ANKRD44: variants seen among roughly 807,000 people sequenced by gnomAD.
The protein encoded by ANKRD44 is serine/threonine-protein phosphatase 6 regulatory ankyrin repeat subunit B.
A neutral mutation model predicts 116.0 loss-of-function variants in ANKRD44; 35 were observed. The ratio of observed to expected loss-of-function variants is 0.30; its 90% CI spans 0.23 to 0.40. The LOEUF (loss-of-function observed/expected upper bound fraction) is 0.40. Among genes scored for constraint, ANKRD44 ranks in the 10% least tolerant of loss-of-function variants. The probability of loss-of-function intolerance (pLI) is 1.00; values close to 1 mark genes in which losing one functional copy is unlikely to be tolerated. For synonymous variants in ANKRD44, 435 were observed against 461.8 expected (o/e 0.94, Z 0.74); for missense variants, 1,014 against 1,242.6 (o/e 0.82, Z 2.77).
At chr2:197,086,022 G>A (rs2077914095) in intron 13 of ANKRD44, among the ~76,000 whole-genome samples, 1 of 152,010 alleles carries the variant, frequency 6.6e-6, no homozygotes, top group Non-Finnish European at 1.5e-5. Flanking sequence ...TGCACAAGGA[G>A]GTGTCACTGA....
At chr2:197,165,533 C>T (rs2080083461) in intron 2 of ANKRD44, among the ~76,000 whole-genome samples, 1 of 152,166 alleles carries the variant, frequency 6.6e-6, no homozygotes, top group Non-Finnish European at 1.5e-5. Context: ...CTGTAAGCAG[C>T]TAGGAATAGT....
intron 27 of ANKRD44, chr2:196,990,344 A>G: frequency 1.0e-6 from 1 of 1,004,968 alleles, no homozygotes; most frequent in Non-Finnish European, 1.2e-6. Flanking sequence ...AATACATGAA[A>G]AGAAAAATTA....
intron 1 of ANKRD44, among the ~76,000 whole-genome samples, chr2:197,264,103 A>G (rs1384989877): frequency 6.6e-6 from 1 of 152,262 alleles, no homozygotes; most frequent in East Asian, 1.9e-4. Context: ...TTTAAAAAGA[A>G]AAGAAAAAGG....
At chr2:197,267,071 GAATA>G (rs1194002726) in intron 1 of ANKRD44, among the ~76,000 whole-genome samples, 2 of 103,078 alleles carry the variant, frequency 1.9e-5, no homozygotes, top group Non-Finnish European at 4.4e-5. Context: ...ATGAATGAAT[GAATA>G]AAGGGAATAA....
intron 10 of ANKRD44, among the ~76,000 whole-genome samples, chr2:197,091,052 C>T (rs897252161): frequency 1.3e-5 from 2 of 152,256 alleles, no homozygotes; most frequent in African/African-American, 2.4e-5. Flanking sequence ...AAGGCTGTCA[C>T]GCTGGCCCTT....
At chr2:196,972,748 C>T (rs577168816) in intron 21 of ANKRD44, among the ~76,000 whole-genome samples, 1 of 152,288 alleles carries the variant, frequency 6.6e-6, no homozygotes, top group East Asian at 1.9e-4. Flanking sequence ...TAGGTATCTG[C>T]ATCATACTAG....
chr2:197,091,215 T>A (rs1574437613), intron 10 of ANKRD44, among the ~76,000 whole-genome samples: 1 of 152,232 alleles, frequency 6.6e-6, no homozygotes, highest in Admixed American at 6.5e-5. Context: ...CCCGCCTGGA[T>A]GCTGCTGCAG....
intron 1 of ANKRD44, among the ~76,000 whole-genome samples, chr2:197,273,358 A>G (rs936472658): frequency 9.9e-5 from 15 of 152,244 alleles, no homozygotes; most frequent in African/African-American, 3.4e-4. Flanking sequence ...CAAAGAAAAG[A>G]AAGATGCAAA....
chr2:197,122,893 T>A (rs763337696), intron 6 of ANKRD44, 101 bp from the exon 7 acceptor site: 13 of 1,401,346 alleles, frequency 9.3e-6, no homozygotes, highest in African/African-American at 1.4e-5. Flanking sequence ...TCGCCACCAG[T>A]ATTTTGCTGA....
intron 10 of ANKRD44, among the ~76,000 whole-genome samples, chr2:197,092,584 T>G (rs2078066536): frequency 6.6e-6 from 1 of 152,214 alleles, no homozygotes; most frequent in Non-Finnish European, 1.5e-5. Flanking sequence ...TTGTTTTCCT[T>G]TCCCTATATG....
chr2:197,174,508 C>T (rs1382299663), intron 2 of ANKRD44, among the ~76,000 whole-genome samples: 2 of 152,208 alleles, frequency 1.3e-5, no homozygotes, highest in Admixed American at 6.5e-5. Flanking sequence ...AGATACACAA[C>T]ACTGTTTATT....
chr2:197,094,565 G>A (rs1465774378), intron 10 of ANKRD44, among the ~76,000 whole-genome samples: 4 of 152,198 alleles, frequency 2.6e-5, no homozygotes, highest in South Asian at 2.1e-4. Flanking sequence ...AATCATGATC[G>A]GTTAACATTT....
intron 10 of ANKRD44, among the ~76,000 whole-genome samples, chr2:197,098,564 C>G (rs550512509): frequency 3.3e-5 from 5 of 152,222 alleles, no homozygotes; most frequent in Admixed American, 6.5e-5. Context: ...GCATTGAAGG[C>G]CCTCTTTAAT....
downstream of ANKRD44, among the ~76,000 whole-genome samples, chr2:196,986,072 A>C (rs7587393): frequency 0.6 from 90,832 of 152,130 alleles, 29,895 homozygotes; most frequent in East Asian, 0.82. Context: ...GCTGCAAGGA[A>C]GCTGAGAGCA....
In ANKRD44 at chr2:196,996,678, G is replaced by T. The variant is rs2076017267; in HGVS notation, c.2749-1217C>A. Among the ~76,000 whole-genome samples, 2 of 152,086 alleles carry T rather than the reference G, an allele frequency of 1.3e-5. 1 individual carries two copies. Among genetic ancestry groups the T allele is most frequent in the Non-Finnish European group, 2.9e-5 (2 of 68,016 alleles). On this transcript the variant is annotated intron_variant, in intron 25 of 27. Coordinates refer to ENST00000282272, the MANE Select transcript of ANKRD44 (RefSeq NM_001195144.2). ...CTAGCACTTTGGGATGCCAAGGCGG[G>T]CGGATCACGAGGTCAGGAGTTCGAG...
At chr2:197,133,551 A>G (rs1206208319) in intron 4 of ANKRD44, among the ~76,000 whole-genome samples, 1 of 152,222 alleles carries the variant, frequency 6.6e-6, no homozygotes, top group Non-Finnish European at 1.5e-5. Context: ...TTGAGGACAG[A>G]CAGTATAGAG....
intron 16 of ANKRD44, among the ~76,000 whole-genome samples, chr2:197,037,758 T>C (rs1046441442): frequency 1.3e-5 from 2 of 152,098 alleles, no homozygotes; most frequent in Non-Finnish European, 2.9e-5. Flanking sequence ...GGCAACATAG[T>C]GAGAACCTGT....
chr2:197,093,628 G>C (rs181566983), intron 10 of ANKRD44, among the ~76,000 whole-genome samples: 62 of 152,276 alleles, frequency 4.1e-4, no homozygotes, highest in Non-Finnish European at 8.2e-4. Flanking sequence ...GTAAAACTAA[G>C]TTTCAAGTCA....
chr2:197,251,896 T>G (rs1391975323), intron 1 of ANKRD44, among the ~76,000 whole-genome samples: 2 of 152,238 alleles, frequency 1.3e-5, no homozygotes, highest in Non-Finnish European at 2.9e-5. Flanking sequence ...CACTACTTAT[T>G]TTTTTTCTTC....
Sources: gnomAD v4.1 joint callset for allele counts (sites outside exome capture counted in the v4.1 genomes callset) on GRCh38, gnomAD v4.1.1 for gene constraint, MANE v1.5 for transcripts, NCBI Gene and HGNC (gene_info 2026-07-23, HGNC 2026-07-21) for gene names.